MPV17: variants seen among roughly 807,000 people sequenced by gnomAD.
MPV17 encodes mitochondrial inner membrane protein MPV17.
MPV17 carries 31 observed loss-of-function variants against 28.6 expected under a neutral mutation model. The observed-to-expected ratio is 1.08, with a 90% confidence interval of 0.81 to 1.46. The LOEUF (loss-of-function observed/expected upper bound fraction) is 1.46, where lower values mean the gene tolerates loss of function less well. Ranked by LOEUF, MPV17 falls within the 40% of genes most tolerant of loss-of-function variation. The pLI is 0.00. For missense variants in MPV17, 198 were observed against 216.2 expected, an observed-to-expected ratio of 0.92 and a Z score of 0.53; for synonymous variants, 87 against 85.3, an observed-to-expected ratio of 1.02 and a Z score of -0.11.
chr2:27,317,131 C>A lies in MPV17; in HGVS notation c.71-4022G>T, dbSNP rs1235125960. ...AAGGCAGAGGGGCAAGAAGTGGCTT[C>A]TTGGAGTGAGGAGCAGGAAGCGTGT... On this transcript the variant is annotated intron_variant, in intron 2 of 7. Coordinates refer to ENST00000380044, the MANE Select transcript of MPV17 (RefSeq NM_002437.5). The surrounding 1 kb of genome is among the most constrained non-coding windows in gnomAD (Gnocchi z 4.0). 2 of 1,550,252 alleles carry A rather than the reference C, an allele frequency of 1.3e-6. No individual in the cohort carries two copies. Among genetic ancestry groups the A allele is most frequent in the South Asian group, 2.4e-5 (2 of 84,036 alleles).
intron 2 of MPV17, among the ~76,000 whole-genome samples, chr2:27,313,693 C>T (rs1679544925): frequency 1.3e-5 from 2 of 152,252 alleles, no homozygotes; most frequent in South Asian, 4.1e-4. Context: ...TAGGGGATCT[C>T]TATTTGTAGA....
At chr2:27,313,309 T>G in intron 2 of MPV17, 200 bp from the exon 3 acceptor site, 1 of 1,261,778 alleles carries the variant, frequency 7.9e-7, no homozygotes, top group Non-Finnish European at 1.1e-6. Flanking sequence ...ATGTGTATTC[T>G]GTCAGAAACT....
chr2:27,315,932 C>T (rs1679634100), intron 2 of MPV17: 1 of 1,449,590 alleles, frequency 6.9e-7, no homozygotes, highest in African/African-American at 1.4e-5. Flanking sequence ...GGAACTGAAC[C>T]CAGGCCTTCT....
chr2:27,311,915 C>G lies in MPV17; in HGVS notation c.445G>C (p.Val149Leu). 6.2e-7 allele frequency: 1 copy of G among 1,613,628 alleles called. No individual in the cohort carries two copies. Among genetic ancestry groups the G allele is most frequent in the South Asian group, 1.1e-5 (1 of 90,916 alleles). The change falls in exon 7 of 8, where the codon GTC (valine) becomes CTC (leucine). Residue 149 changes from valine (V) to leucine (L), a missense_variant. Physicochemically the swap from Val to Leu is conservative, Grantham distance 32. Transcript: ENST00000380044. ...GCAACATACCTGTAATGAAGGGGGA[C>G]CAGGTAGAAGTTGGCTAACTGCACA... ...PAVQLANFYL[V>L]PLHYRLAVVQ... is the part of the protein sequence containing the mutation.
intron 2 of MPV17, chr2:27,313,342 G>A (rs1204674586): frequency 1.1e-6 from 1 of 909,364 alleles, no homozygotes; most frequent in Non-Finnish European, 1.6e-6. Context: ...CCCAGGTCCA[G>A]GAACTTTGCA....
chr2:27,313,256 T>G, intron 2 of MPV17, 147 bp from the exon 3 acceptor site: 1 of 1,530,060 alleles, frequency 6.5e-7, no homozygotes, highest in Non-Finnish European at 8.8e-7. Context: ...AGTCCCTTCC[T>G]GCTGCCTCAA....
rs541523357 is a variant in MPV17 at position 27,312,838 on chromosome 2, C to T, written c.187-66G>A. 1.1e-4 allele frequency: 164 copies of T among 1,560,774 alleles called. 1 individual carries two copies. In the South Asian group the frequency reaches 1.6e-3, roughly 15 times the overall value. ...AGCCCTAGGCCTCTACCTCACTAAG[C>T]TCCCTGCCCCAAGTATCAGAATAGG... On this transcript the variant is annotated intron_variant, in intron 3 of 7. Transcript: ENST00000380044.
Position 27,313,087 on chromosome 2 carries a change from G to T in MPV17, c.93C>A (p.Asp31Glu). The change falls in exon 3 of 8, where the codon GAC becomes GAA. Residue 31 changes from aspartate to glutamate, a missense_variant. Transcript: ENST00000380044. ...LTAGSLMGLG[D>E]IISQQLVERR... ...TCTCCACCAGCTGCTGTGAGATAATGTCACCCAGGCCCATCAGGGACCCTA... is the reference window on the plus strand; with the variant it reads ...TCTCCACCAGCTGCTGTGAGATAATTTCACCCAGGCCCATCAGGGACCCTA... 6.2e-7 allele frequency: 1 copy of T among 1,614,192 alleles called. No homozygotes were observed. Among genetic ancestry groups the T allele is most frequent in the Non-Finnish European group, 8.5e-7 (1 of 1,180,040 alleles).
Position 27,312,734 on chromosome 2 carries a change from C to G in MPV17, c.225G>C (p.Arg75=), listed in dbSNP as rs760522781. ...CCACTTTGGTGGTGCCAGGGATGAACCGATCCAAAACCTTGTACCAGCCTC... is the reference window on the plus strand; with the variant it reads ...CCACTTTGGTGGTGCCAGGGATGAAGCGATCCAAAACCTTGTACCAGCCTC... The part of the protein sequence containing the change: ...VVGGWYKVLD[R]FIPGTTKVDA... The change falls in exon 4 of 8, where the codon CGG becomes CGC. Residue 75 remains arginine, a synonymous_variant. Transcript: ENST00000380044. 1.9e-6 allele frequency: 3 copies of G among 1,614,214 alleles called. No individual in the cohort carries two copies. The highest frequency in any genetic ancestry group is 2.5e-6 in the Non-Finnish European group (3 of 1,180,050).
chr2:27,310,099 CTCTT>C, intron 7 of MPV17, 118 bp from the exon 8 acceptor site: 1 of 810,960 alleles, frequency 1.2e-6, no homozygotes, highest in Non-Finnish European at 2.1e-6. Flanking sequence ...AGGTTTAGGT[CTCTT>C]TCCTTCAGCA....
At chr2:27,316,406 G>C (rs1023749842) in intron 2 of MPV17, among the ~76,000 whole-genome samples, 1 of 152,194 alleles carries the variant, frequency 6.6e-6, no homozygotes, top group Non-Finnish European at 1.5e-5. Context: ...GTAGGGGTGA[G>C]TAGGTGGTAT....
chr2:27,312,190 A>C (rs748384037), intron 6 of MPV17, 24 bp downstream of exon 6: 13 of 1,612,262 alleles, frequency 8.1e-6, no homozygotes, highest in Non-Finnish European at 1.0e-5. Context: ...CAGGAGAACA[A>C]GCAGTTGAGG....
At chr2:27,310,777 C>T (rs1467578353) in intron 7 of MPV17, among the ~76,000 whole-genome samples, 1 of 152,130 alleles carries the variant, frequency 6.6e-6, no homozygotes, top group Non-Finnish European at 1.5e-5. Context: ...CGGAGTCTCG[C>T]TCTGTTGCCC....
At chr2:27,321,187 T>C (rs1476958447) in intron 2 of MPV17, among the ~76,000 whole-genome samples, 4 of 152,368 alleles carry the variant, frequency 2.6e-5, no homozygotes, top group African/African-American at 4.8e-5. Flanking sequence ...CTGGCAGTTA[T>C]GGGCCCTGAG....
rs1465673412 is a variant in MPV17 at position 27,309,891 on chromosome 2, A to AG, written c.*20_*21insC. On this transcript the variant is annotated 3_prime_UTR_variant, in exon 8 of 8. Coordinates refer to ENST00000380044, the MANE Select transcript of MPV17 (RefSeq NM_002437.5). ...GTCAAGCTGCATCACTGCAAGGTGGAAACGATGGAGTGAGGCAGGCTTAGA... is the reference window on the plus strand; with the variant it reads ...GTCAAGCTGCATCACTGCAAGGTGGAGAACGATGGAGTGAGGCAGGCTTAGA... The AG allele has an allele frequency of 6.2e-7, 1 of 1,606,272 alleles. No individual in the cohort carries two copies. The highest frequency in any genetic ancestry group is 8.5e-7 in the Non-Finnish European group (1 of 1,172,822).
intron 2 of MPV17, among the ~76,000 whole-genome samples, chr2:27,318,678 TG>T (rs1324104419): frequency 6.6e-6 from 1 of 152,076 alleles, no homozygotes; most frequent in Non-Finnish European, 1.5e-5. Context: ...TTGACCATTG[TG>T]GGATGGGAGT....
At position 27,322,527 on chromosome 2, in the gene MPV17, C is replaced by A. The variant is rs759860777; in HGVS notation, c.-5-5G>T. ...CCCGCCAGAGTGCCATGCTTCCTGT[C>A]AAGCCAAGAGGAGAGGGGGTCACCC... is the stretch of plus-strand genomic sequence containing the variant. On this transcript the variant is annotated splice_region_variant and splice_polypyrimidine_tract_variant and intron_variant, in intron 1 of 7. Transcript: ENST00000380044. 2 of 1,613,804 alleles carry A rather than the reference C, an allele frequency of 1.2e-6. No individual in the cohort carries two copies. Among genetic ancestry groups the A allele is most frequent in the South Asian group, 1.1e-5 (1 of 91,086 alleles).
At chr2:27,322,994 T>C (rs918337156) in intron 1 of MPV17, 58 bp downstream of exon 1, 3 of 179,466 alleles carry the variant, frequency 1.7e-5, no homozygotes, top group Non-Finnish European at 3.6e-5. Flanking sequence ...ACACACCTTG[T>C]GGGCACTCAT....
chr2:27,311,531 GTGTC>G, intron 7 of MPV17: 1 of 1,460,714 alleles, frequency 6.8e-7, no homozygotes, highest in Non-Finnish European at 9.4e-7. Flanking sequence ...TTTATTGTGA[GTGTC>G]TGACCAGGCT....
Sources: allele counts gnomAD v4.1 joint callset (sites outside exome capture counted in the v4.1 genomes callset), GRCh38; gene constraint gnomAD v4.1.1; non-coding constraint Gnocchi (gnomAD v3.1); transcripts MANE v1.5; gene names NCBI Gene and HGNC (gene_info 2026-07-23, HGNC 2026-07-21).